Variants in BANK1 observed in about 807,000 individuals in gnomAD.
BANK1 encodes B-cell scaffold protein with ankyrin repeats.
Under a neutral mutation model 94.5 loss-of-function variants are expected in BANK1, and 95 were observed. The observed-to-expected ratio is 1.00, with a 90% CI of 0.85 to 1.19. The LOEUF is 1.19. BANK1 is among the 50% of genes most tolerant of loss of function. The pLI, the probability that BANK1 is intolerant of heterozygous loss-of-function variation, is 0.00. For synonymous variants in BANK1, 334 were observed against 308.4 expected, an observed-to-expected ratio of 1.08 and a Z score of -0.87; for missense variants, 987 against 932.2, an observed-to-expected ratio of 1.06 and a Z score of -0.77.
chr4:101,849,929 A>G (rs972413525), intron 2 of BANK1, among the ~76,000 whole-genome samples: 5 of 152,146 alleles, frequency 3.3e-5, no homozygotes, highest in African/African-American at 9.7e-5. Context: ...ACAAAATACT[A>G]TATTCTCTGC....
chr4:101,850,734 C>T (rs1050224572), intron 2 of BANK1, among the ~76,000 whole-genome samples: 4 of 152,132 alleles, frequency 2.6e-5, no homozygotes, highest in African/African-American at 9.7e-5. Context: ...GATTCTTGCA[C>T]TATTTCAAAC....
intron 7 of BANK1, among the ~76,000 whole-genome samples, chr4:101,931,952 T>G (rs1723364660): frequency 6.6e-6 from 1 of 151,468 alleles, no homozygotes; most frequent in Non-Finnish European, 1.5e-5. Context: ...TAACTAAAGT[T>G]GTTTTAGGAA....
At chr4:101,847,344 T>C (rs749505004) in intron 2 of BANK1, among the ~76,000 whole-genome samples, 17 of 152,054 alleles carry the variant, frequency 1.1e-4, no homozygotes, top group Non-Finnish European at 2.4e-4. Context: ...GTTTGGGGTA[T>C]TTATTTTTGT....
At chr4:102,050,521 A>C (rs143102184) in intron 11 of BANK1, among the ~76,000 whole-genome samples, 3,886 of 152,284 alleles carry the variant, frequency 0.026, 93 homozygotes, top group Non-Finnish European at 0.039. Context: ...ACCAAAAGAA[A>C]CTATGTTTCA....
intron 14 of BANK1, among the ~76,000 whole-genome samples, 171 bp downstream of exon 14, chr4:102,071,475 T>C (rs760957594): frequency 5.9e-5 from 9 of 152,310 alleles, no homozygotes; most frequent in Non-Finnish European, 1.3e-4. Flanking sequence ...GTGAAGCGAC[T>C]ATAAAATAGA....
chr4:102,015,830 G>T (rs1048379776), intron 7 of BANK1, among the ~76,000 whole-genome samples: 1 of 152,048 alleles, frequency 6.6e-6, no homozygotes, highest in Admixed American at 6.6e-5. Context: ...TATCAATATA[G>T]CCCTTCTCCC....
At chr4:102,004,493 A>T (rs1440556600) in intron 7 of BANK1, among the ~76,000 whole-genome samples, 1 of 152,164 alleles carries the variant, frequency 6.6e-6, no homozygotes, top group Non-Finnish European at 1.5e-5. Flanking sequence ...TTATTTTTTC[A>T]TCGACCAGCC....
At chr4:101,977,503 T>G (rs1420396822) in intron 7 of BANK1, among the ~76,000 whole-genome samples, 1 of 152,202 alleles carries the variant, frequency 6.6e-6, no homozygotes, top group African/African-American at 2.4e-5. Flanking sequence ...AACTGTGTTG[T>G]TATTTATTAA....
At chr4:102,056,748 G>A (rs1728239568) in intron 11 of BANK1, among the ~76,000 whole-genome samples, 2 of 152,170 alleles carry the variant, frequency 1.3e-5, no homozygotes, top group African/African-American at 4.8e-5. Flanking sequence ...GCTCACACCT[G>A]TAATCCCAGC....
chr4:102,050,813 A>G (rs1318967774), intron 11 of BANK1, among the ~76,000 whole-genome samples: 2 of 82,174 alleles, frequency 2.4e-5, no homozygotes, highest in African/African-American at 1.6e-4. Flanking sequence ...TATGAAAAAA[A>G]TGAAAGAACA....
chr4:101,832,432 G>T (rs1179019200), intron 2 of BANK1, among the ~76,000 whole-genome samples: 1 of 151,784 alleles, frequency 6.6e-6, no homozygotes, highest in Non-Finnish European at 1.5e-5. Flanking sequence ...ATGTATTTTG[G>T]ATTTCTTTAG....
Position 102,030,241 on chromosome 4 carries a change from G to A in BANK1, c.1876G>A (p.Glu626Lys). The change falls in exon 10 of 17, where the codon GAA (glutamate) becomes AAA (lysine). Residue 626 changes from glutamate to lysine, a missense_variant. By Grantham distance (56) the Glu-to-Lys change is moderately conservative. Transcript: ENST00000322953. ...ACCCACAAGTATACCTCCAAAAGAG[G>A]AAACTACACCTTACATAGCTCAAGG... is the stretch of plus-strand genomic sequence containing the variant. ...PRPTSIPPKE[E>K]TTPYIAQVFQ... 3 of 1,594,198 alleles carry A rather than the reference G, an allele frequency of 1.9e-6. No homozygotes were observed. Among genetic ancestry groups the A allele is most frequent in the Non-Finnish European group, 2.6e-6 (3 of 1,174,770 alleles).
At chr4:101,878,283 AC>A (rs539918474) in intron 5 of BANK1, among the ~76,000 whole-genome samples, 241 of 152,328 alleles carry the variant, frequency 1.6e-3, no homozygotes, top group Non-Finnish European at 2.6e-3. Flanking sequence ...GCCAATGGAA[AC>A]CAAAAAAGAG....
rs1727231814 is a variant in BANK1, at chr4:102,029,959, G to C, written c.1595-1G>C. The C allele has an allele frequency of 6.3e-7, 1 of 1,595,146 alleles. No individual in the cohort carries two copies. The highest frequency in any genetic ancestry group is 8.5e-7 in the Non-Finnish European group (1 of 1,174,208). ...ACACCATGTAAATATTTCATAAACA[G>C]GGACAATGGTGGAAGGCCAAATGGA... On this transcript the variant is annotated splice_acceptor_variant, in intron 9 of 16. Coordinates refer to ENST00000322953, the MANE Select transcript of BANK1 (RefSeq NM_017935.5). LOFTEE classifies it high-confidence loss of function.
chr4:102,031,638 C>T (rs1342984530), intron 10 of BANK1, among the ~76,000 whole-genome samples: 3 of 152,058 alleles, frequency 2.0e-5, no homozygotes, highest in African/African-American at 7.2e-5. Flanking sequence ...GAACATGAAA[C>T]CATAGGATAT....
chr4:101,915,231 A>C (rs1197495310), intron 6 of BANK1, among the ~76,000 whole-genome samples: 3 of 152,130 alleles, frequency 2.0e-5, no homozygotes, highest in Non-Finnish European at 4.4e-5. Context: ...AATAAGATGC[A>C]TAAGTTCAAG....
intron 7 of BANK1, among the ~76,000 whole-genome samples, chr4:101,978,897 T>C (rs1464821924): frequency 6.6e-6 from 1 of 152,102 alleles, no homozygotes; most frequent in African/African-American, 2.4e-5. Context: ...TTTTTATCAA[T>C]GTAATGATAC....
At chr4:102,022,911 T>A (rs1726963616) in intron 8 of BANK1, among the ~76,000 whole-genome samples, 1 of 152,180 alleles carries the variant, frequency 6.6e-6, no homozygotes, top group Non-Finnish European at 1.5e-5. Flanking sequence ...CTGTACACTT[T>A]CTCCTTATAT....
At chr4:102,071,090 G>A (rs1728743502) in intron 13 of BANK1, among the ~76,000 whole-genome samples, 185 bp from the exon 14 acceptor site, 2 of 152,060 alleles carry the variant, frequency 1.3e-5, no homozygotes, top group Non-Finnish European at 2.9e-5. Context: ...AGTAATAAAA[G>A]GCATGGTTTC....
Sources: gnomAD v4.1 joint callset for allele counts (sites outside exome capture counted in the v4.1 genomes callset) on GRCh38, gnomAD v4.1.1 for gene constraint, MANE v1.5 for transcripts, NCBI Gene and HGNC (gene_info 2026-07-23, HGNC 2026-07-21) for gene names.